The following TBCD variants were observed in gnomAD, a reference collection of about 807,000 sequenced individuals.
The protein encoded by TBCD is tubulin-specific chaperone D.
TBCD carries 105 observed loss-of-function variants against 169.3 expected under a neutral mutation model. The ratio of observed to expected loss-of-function variants is 0.62; its 90% CI spans 0.53 to 0.73. TBCD has a LOEUF of 0.73. TBCD is among the 30% of genes least tolerant of loss of function. The pLI, the probability that TBCD is intolerant of heterozygous loss-of-function variation, is 0.00. For missense variants in TBCD, 1,444 were observed against 1,600.1 expected (o/e 0.90, Z 1.66); for synonymous variants, 700 against 643.9 (o/e 1.09, Z -1.32).
chr17:82,810,328 C>A (rs2037318563), intron 12 of TBCD, among the ~76,000 whole-genome samples: 2 of 152,318 alleles, frequency 1.3e-5, no homozygotes, highest in South Asian at 4.1e-4. Context: ...GTGGTCCCAG[C>A]TACTCGGGAG....
intron 8 of TBCD, among the ~76,000 whole-genome samples, chr17:82,800,592 T>G (rs1262984794): frequency 6.6e-6 from 1 of 152,094 alleles, no homozygotes; most frequent in African/African-American, 2.4e-5. Flanking sequence ...TGTGGTCGGT[T>G]GGGCCTTTGT....
At chr17:82,753,314 G>A (rs1373974758) in intron 1 of TBCD, among the ~76,000 whole-genome samples, 1 of 152,124 alleles carries the variant, frequency 6.6e-6, no homozygotes, top group African/African-American at 2.4e-5. Context: ...TTGATTGCCT[G>A]TTTCTTCGGG....
intron 17 of TBCD, chr17:82,895,798 G>C (rs1233182358): frequency 6.6e-6 from 1 of 152,202 alleles, no homozygotes; most frequent in Non-Finnish European, 1.5e-5. Context: ...CAGCCGTGCT[G>C]ACATGGAGAT....
chr17:82,919,892 G>T (rs1404362051), intron 23 of TBCD, among the ~76,000 whole-genome samples: 1 of 152,200 alleles, frequency 6.6e-6, no homozygotes, highest in Non-Finnish European at 1.5e-5. Context: ...GACAAAAAAT[G>T]GAAGGAGAGT....
chr17:82,754,688 G>C (rs1285151006), intron 1 of TBCD, among the ~76,000 whole-genome samples: 2 of 152,230 alleles, frequency 1.3e-5, no homozygotes, highest in African/African-American at 4.8e-5. Flanking sequence ...TGAGGGGGTT[G>C]CCTGGATCAG....
At chr17:82,834,244 G>A (rs112430806) in intron 13 of TBCD, among the ~76,000 whole-genome samples, 6 of 152,276 alleles carry the variant, frequency 3.9e-5, no homozygotes, top group African/African-American at 1.4e-4. Context: ...CACCGCACCC[G>A]TCCCAGAACA....
At chr17:82,881,649 C>A (rs113131895) in intron 14 of TBCD, among the ~76,000 whole-genome samples, 1 of 152,120 alleles carries the variant, frequency 6.6e-6, no homozygotes, top group Non-Finnish European at 1.5e-5. Context: ...TTTTGGGCTG[C>A]GTTGATGTCG....
At chr17:82,845,164 AGTCC>A (rs1200950412) in intron 13 of TBCD, among the ~76,000 whole-genome samples, 1 of 152,160 alleles carries the variant, frequency 6.6e-6, no homozygotes. Flanking sequence ...CTGGAAGTGC[AGTCC>A]TGGTTGAGCT....
chr17:82,850,608 TTGTTGGCTGTGCTGTTTTGC>T (rs1472803562), intron 13 of TBCD, among the ~76,000 whole-genome samples: 4 of 151,198 alleles, frequency 2.6e-5, no homozygotes, highest in Non-Finnish European at 2.9e-5. Context: ...GGCTGTGCTG[TTGTTGGCTGTGCTGTTTTGC>T]TGTTGGCTGT....
chr17:82,847,878 C>T (rs2055283596), intron 13 of TBCD, among the ~76,000 whole-genome samples: 1 of 152,332 alleles, frequency 6.6e-6, no homozygotes, highest in South Asian at 2.1e-4. Context: ...TCCTCGGCCT[C>T]CCAAAGTGCT....
intron 12 of TBCD, among the ~76,000 whole-genome samples, chr17:82,814,049 A>C (rs1465097830): frequency 1.3e-5 from 2 of 152,348 alleles, no homozygotes; most frequent in East Asian, 3.9e-4. Flanking sequence ...GAGCTTCTGA[A>C]CCACCCCGGG....
chr17:82,926,791 C>G, intron 28 of TBCD: 1 of 533,312 alleles, frequency 1.9e-6, no homozygotes, highest in South Asian at 2.2e-5. Context: ...GGAATGATCT[C>G]TGCACTCGTT....
rs577116395 is a variant in TBCD at position 82,809,747 on chromosome 17, G to A, written c.1188G>A (p.Ala396=). Reference sequence around the variant, plus strand: ...CTGGCAGGCTTCCCAGAGCCCTGGCGGATGATGTGGTCGGGTCTGTGCTGG... The same window carrying A: ...CTGGCAGGCTTCCCAGAGCCCTGGCAGATGATGTGGTCGGGTCTGTGCTGG... ...RMAGRLPRAL[A]DDVVGSVLDC... is the part of the protein sequence containing the mutation. The change falls in exon 12 of 39, where the codon GCG becomes GCA. Residue 396 remains alanine (A), a synonymous_variant. Coordinates refer to ENST00000355528, the MANE Select transcript of TBCD (RefSeq NM_005993.5). 3.1e-6 allele frequency: 5 copies of A among 1,613,626 alleles called. No homozygotes were observed. The highest frequency in any genetic ancestry group is 2.7e-5 in the African/African-American group (2 of 75,038).
intron 1 of TBCD, among the ~76,000 whole-genome samples, chr17:82,755,458 A>T (rs2047352808): frequency 1.3e-5 from 2 of 152,190 alleles, no homozygotes; most frequent in South Asian, 4.1e-4. Context: ...TTAGGGAAAA[A>T]TATTTTGATT....
At chr17:82,885,231 G>A (rs1012299403) in intron 15 of TBCD, among the ~76,000 whole-genome samples, 1 of 152,118 alleles carries the variant, frequency 6.6e-6, no homozygotes, top group African/African-American at 2.4e-5. Flanking sequence ...TGCTGGGACC[G>A]GTGATGGTTT....
At chr17:82,818,411 C>T (rs2052121048) in intron 13 of TBCD, among the ~76,000 whole-genome samples, 1 of 152,212 alleles carries the variant, frequency 6.6e-6, no homozygotes, top group East Asian at 1.9e-4. Flanking sequence ...TTGCAGCATG[C>T]TTTTTATGTT....
At chr17:82,780,417 G>A (rs1434940282) in intron 6 of TBCD, among the ~76,000 whole-genome samples, 1 of 152,060 alleles carries the variant, frequency 6.6e-6, no homozygotes. Flanking sequence ...GATCATGGAG[G>A]CAAGCTGGGG....
chr17:82,882,976 G>T (rs1000418254), intron 14 of TBCD, among the ~76,000 whole-genome samples: 1 of 152,222 alleles, frequency 6.6e-6, no homozygotes, highest in Non-Finnish European at 1.5e-5. Context: ...GACGGTGCCC[G>T]CCCTACCGGG....
chr17:82,906,326 C>T (rs910526949), intron 20 of TBCD, among the ~76,000 whole-genome samples: 3 of 152,240 alleles, frequency 2.0e-5, no homozygotes, highest in Admixed American at 6.5e-5. Flanking sequence ...TGTCCTGCCC[C>T]TGCTGCCTCC....
Sources: allele counts gnomAD v4.1 joint callset (sites outside exome capture counted in the v4.1 genomes callset), GRCh38; gene constraint gnomAD v4.1.1; transcripts MANE v1.5; gene names NCBI Gene and HGNC (gene_info 2026-07-23, HGNC 2026-07-21).